Variants in CEP162 observed in about 807,000 individuals in gnomAD.
The protein encoded by CEP162 is centrosomal protein 162.
A neutral mutation model predicts 169.2 loss-of-function variants in CEP162; 141 were observed. That is an observed-to-expected ratio of 0.83 (90% CI 0.73 to 0.96). The LOEUF (loss-of-function observed/expected upper bound fraction) is 0.96. CEP162 is among the 40% of genes least tolerant of loss of function. The pLI, the probability that CEP162 is intolerant of heterozygous loss-of-function variation, is 0.00. For synonymous variants in CEP162, 540 were observed against 526.4 expected, an observed-to-expected ratio of 1.03 and a Z score of -0.35; for missense variants, 1,600 against 1,587.2, an observed-to-expected ratio of 1.01 and a Z score of -0.14.
chr6:84,165,836 T>A (rs561954213), intron 18 of CEP162, among the ~76,000 whole-genome samples: 1 of 152,368 alleles, frequency 6.6e-6, no homozygotes, highest in East Asian at 1.9e-4. Flanking sequence ...AGTTTCTAGC[T>A]GCATCGCAGA....
At chr6:84,207,190 C>T (rs536973461) in intron 6 of CEP162, among the ~76,000 whole-genome samples, 1 of 152,278 alleles carries the variant, frequency 6.6e-6, no homozygotes, top group Non-Finnish European at 1.5e-5. Flanking sequence ...ACTAGAAATA[C>T]CATTTGACCC....
intron 6 of CEP162, among the ~76,000 whole-genome samples, chr6:84,204,500 G>A (rs2099545947): frequency 1.3e-5 from 2 of 152,112 alleles, no homozygotes; most frequent in Non-Finnish European, 2.9e-5. Context: ...ATGAAATGAA[G>A]GCAGAAATAA....
intron 17 of CEP162, among the ~76,000 whole-genome samples, chr6:84,171,174 G>A (rs1473244321): frequency 2.0e-5 from 3 of 152,038 alleles, no homozygotes; most frequent in Non-Finnish European, 4.4e-5. Context: ...TCTCCACAAG[G>A]ACCTCCACCA....
At chr6:84,202,160 T>C (rs2099544787) in intron 7 of CEP162, among the ~76,000 whole-genome samples, 1 of 152,228 alleles carries the variant, frequency 6.6e-6, no homozygotes, top group Admixed American at 6.5e-5. Context: ...TTTCCCTTAC[T>C]GTTCAAAATT....
At chr6:84,134,229 G>C (rs2129186949) in intron 25 of CEP162, among the ~76,000 whole-genome samples, 1 of 152,288 alleles carries the variant, frequency 6.6e-6, no homozygotes, top group South Asian at 2.1e-4. Context: ...GAGCATCCCA[G>C]GTCACTTCAG....
chr6:84,147,024 C>T (rs1218263732), intron 24 of CEP162, among the ~76,000 whole-genome samples: 1 of 152,084 alleles, frequency 6.6e-6, no homozygotes, highest in Non-Finnish European at 1.5e-5. Context: ...ATTTGTATAT[C>T]AAACGGACAC....
chr6:84,207,572 C>CG (rs954599056), intron 6 of CEP162, among the ~76,000 whole-genome samples: 3 of 60,138 alleles, frequency 5.0e-5, no homozygotes. Flanking sequence ...TGTCATGGGG[C>CG]GGGGGGAGGG....
chr6:84,186,021 G>C (rs572771709), intron 12 of CEP162, among the ~76,000 whole-genome samples: 131 of 152,142 alleles, frequency 8.6e-4, no homozygotes, highest in Middle Eastern at 3.4e-3. Flanking sequence ...AGACTGAACA[G>C]TGCATACTAC....
chr6:84,144,490 AGTT>A (rs1406914194), intron 25 of CEP162, among the ~76,000 whole-genome samples: 5 of 152,122 alleles, frequency 3.3e-5, no homozygotes, highest in African/African-American at 1.2e-4. Context: ...ATCCACAGAT[AGTT>A]AATTGTTTTA....
chr6:84,201,438 A>T (rs2099544464), intron 8 of CEP162, among the ~76,000 whole-genome samples: 2 of 152,106 alleles, frequency 1.3e-5, no homozygotes, highest in East Asian at 1.9e-4. Flanking sequence ...AACAAATATG[A>T]TCTTCTTCCG....
rs147528790 is a variant in CEP162 at position 84,174,117 on chromosome 6, A to T, written c.2097T>A (p.Thr699=). Residue 699 remains threonine (T), a synonymous_variant, in exon 16 of 27, where the codon ACT becomes ACA. Transcript: ENST00000403245. ...TTTGGATTTGCTTCAACTTTTCTCC[A>T]GTGACAGGATCAGCTGCTTCTCCAA... ...LHFGEAADPV[T]GEKLKQIQKE... 1 of 1,611,396 alleles carries T rather than the reference A, an allele frequency of 6.2e-7. No individual in the cohort carries two copies.
At chr6:84,154,801 G>C (rs572079012) in intron 22 of CEP162, among the ~76,000 whole-genome samples, 282 of 152,120 alleles carry the variant, frequency 1.9e-3, no homozygotes, top group African/African-American at 6.1e-3. Flanking sequence ...TACTTGGTCT[G>C]TTCTAGCACT....
chr6:84,196,678 G>T (rs930849845), intron 9 of CEP162, among the ~76,000 whole-genome samples: 1 of 152,088 alleles, frequency 6.6e-6, no homozygotes, highest in Non-Finnish European at 1.5e-5. Flanking sequence ...TAATTAACCA[G>T]TTATTAAAAA....
chr6:84,191,027 C>CTTAAGCAAA (rs1421729549), intron 11 of CEP162, among the ~76,000 whole-genome samples: 2 of 152,108 alleles, frequency 1.3e-5, no homozygotes, highest in Admixed American at 1.3e-4. Context: ...GCTTAAGTTC[C>CTTAAGCAAA]TTATAGATTC....
rs544766190 is a variant in CEP162, at chr6:84,223,009, C to T, written c.58-1838G>A. Among the ~76,000 whole-genome samples the T allele has an allele frequency of 1.2e-4, 18 of 152,266 alleles. No individual in the cohort carries two copies. In the South Asian group the frequency reaches 3.7e-3, roughly 32 times the overall value. ...AACTTCAGTATCACCTTGAGGTGTT[C>T]CATTTCTCTTTCCTCCCATTTTTTC... On this transcript the variant is annotated intron_variant, in intron 2 of 26. Coordinates refer to ENST00000403245, the MANE Select transcript of CEP162 (RefSeq NM_014895.4).
chr6:84,201,520 T>A (rs1250859030), intron 8 of CEP162, among the ~76,000 whole-genome samples: 1 of 152,032 alleles, frequency 6.6e-6, no homozygotes, highest in Non-Finnish European at 1.5e-5. Context: ...CATGTACACA[T>A]GGAAGGCAAA....
At position 84,160,832 on chromosome 6, in the gene CEP162, T is replaced by C. The variant is rs201601743; in HGVS notation, c.2761A>G (p.Ile921Val). ...LKDKAADAKK[I>V]QDLERQVKEM... is the part of the protein sequence containing the mutation. ...CATACTTGTCGCTCCAGATCCTGAA[T>C]TTTTTTGGCATCTGCTGCTTTATCT... is the stretch of plus-strand genomic sequence containing the variant. The change falls in exon 21 of 27, where the codon ATT (isoleucine) becomes GTT (valine). Residue 921 changes from isoleucine to valine, a missense_variant. By Grantham distance (29) the Ile-to-Val change is conservative. Coordinates refer to ENST00000403245, the MANE Select transcript of CEP162 (RefSeq NM_014895.4). The C allele has an allele frequency of 6.2e-6, 10 of 1,605,174 alleles. No individual in the cohort carries two copies. In the South Asian group the frequency reaches 1.1e-4, roughly 18 times the overall value.
intron 6 of CEP162, among the ~76,000 whole-genome samples, chr6:84,210,970 AG>A (rs2099549185): frequency 1.3e-5 from 2 of 152,208 alleles, no homozygotes; most frequent in Non-Finnish European, 2.9e-5. Flanking sequence ...CTTTAAAAGA[AG>A]AAAATAAAAT....
intron 16 of CEP162, 21 bp from the exon 17 acceptor site, chr6:84,171,739 G>T: frequency 8.9e-7 from 1 of 1,125,498 alleles, no homozygotes; most frequent in Non-Finnish European, 1.2e-6. Context: ...ACAGAAAACT[G>T]CATTTTAGTT....
Sources: gnomAD v4.1 joint callset for allele counts (sites outside exome capture counted in the v4.1 genomes callset) on GRCh38, gnomAD v4.1.1 for gene constraint, MANE v1.5 for transcripts, NCBI Gene and HGNC (gene_info 2026-07-23, HGNC 2026-07-21) for gene names.